GABRB3: variants seen among roughly 807,000 people sequenced by gnomAD.
GABRB3 encodes gamma-aminobutyric acid receptor subunit beta-3.
In GABRB3, 14 loss-of-function variants were observed where a neutral mutation model predicts 52.1. The observed-to-expected ratio is 0.27, with a 90% CI of 0.18 to 0.42. The LOEUF (loss-of-function observed/expected upper bound fraction) is 0.42, where lower values mean the gene tolerates loss of function less well. GABRB3 is among the 10% of genes least tolerant of loss of function. The probability of loss-of-function intolerance (pLI) is 1.00; values close to 1 mark genes in which losing one functional copy is unlikely to be tolerated. For missense variants in GABRB3, 307 were observed against 609.1 expected (o/e 0.50, Z 5.22); for synonymous variants, 260 against 232.3 (o/e 1.12, Z -1.08).
chr15:26,590,394 C>T (rs185156722), intron 4 of GABRB3: 165 of 152,292 alleles, frequency 1.1e-3, no homozygotes, highest in African/African-American at 3.8e-3. Flanking sequence ...CAAGGCATTG[C>T]TTCACAGGTA....
intron 3 of GABRB3, among the ~76,000 whole-genome samples, chr15:26,730,796 G>A (rs116886322): frequency 0.025 from 3,870 of 152,254 alleles, 95 homozygotes; most frequent in Middle Eastern, 0.054. Flanking sequence ...CATATCGCAC[G>A]AATTGCTCAA....
intron 3 of GABRB3, among the ~76,000 whole-genome samples, chr15:26,764,092 G>C (rs1370202365): frequency 8.2e-5 from 12 of 146,276 alleles, no homozygotes; most frequent in Non-Finnish European, 1.3e-4. Flanking sequence ...GGCGGTTGCA[G>C]TGAGCTGAGA....
chr15:26,746,129 T>G (rs919001157), intron 3 of GABRB3, among the ~76,000 whole-genome samples: 2 of 152,230 alleles, frequency 1.3e-5, no homozygotes, highest in Non-Finnish European at 2.9e-5. Context: ...AGTGTCACTT[T>G]TTTTTTATTA....
intron 8 of GABRB3, among the ~76,000 whole-genome samples, chr15:26,551,737 A>T (rs1889471902): frequency 6.6e-6 from 1 of 152,124 alleles, no homozygotes; most frequent in Admixed American, 6.5e-5. Flanking sequence ...TACAGGCAGC[A>T]TTGGTTTAGA....
upstream of GABRB3, chr15:26,773,530 C>G: frequency 1.4e-6 from 1 of 695,962 alleles, no homozygotes; most frequent in Non-Finnish European, 2.2e-6. Flanking sequence ...GCACGACGAC[C>G]ACCGCCCGCT....
At chr15:26,711,035 T>C (rs1278061423) in intron 3 of GABRB3, among the ~76,000 whole-genome samples, 4 of 152,158 alleles carry the variant, frequency 2.6e-5, no homozygotes, top group Non-Finnish European at 5.9e-5. Flanking sequence ...AAATACCTTA[T>C]AATTTTTTGG....
intron 3 of GABRB3, among the ~76,000 whole-genome samples, chr15:26,636,477 G>A (rs1893064962): frequency 6.6e-6 from 1 of 151,820 alleles, no homozygotes; most frequent in South Asian, 2.1e-4. Context: ...AATGCTAGAG[G>A]GCCCCAGGGC....
intron 3 of GABRB3, among the ~76,000 whole-genome samples, chr15:26,630,554 T>TGAAGAAATATTCGAGTAA (rs372711347): frequency 1.8e-4 from 28 of 152,338 alleles, no homozygotes; most frequent in African/African-American, 6.5e-4. Flanking sequence ...AGAATCAGCA[T>TGAAGAAATATTCGAGTAA]GAAGAAATAT....
At chr15:26,765,759 A>G (rs1481428039) in intron 3 of GABRB3, among the ~76,000 whole-genome samples, 1 of 152,204 alleles carries the variant, frequency 6.6e-6, no homozygotes, top group African/African-American at 2.4e-5. Flanking sequence ...TAACACTATA[A>G]TAAGTGTTGC....
chr15:26,740,552 G>A lies in GABRB3; in HGVS notation c.240+31850C>T, dbSNP rs560486480. On this transcript the variant is annotated intron_variant, in intron 3 of 8. Transcript: ENST00000311550. Reference sequence around the variant, plus strand: ...AGCACCTGGTCCACTCACTGGGTCTGTCTTCTCTCCTCCTCCTCTGGAGCA... The same window carrying A: ...AGCACCTGGTCCACTCACTGGGTCTATCTTCTCTCCTCCTCCTCTGGAGCA... 1.4e-3 allele frequency among the ~76,000 whole-genome samples: 212 copies of A among 152,184 alleles called. 1 individual carries two copies. The highest frequency in any genetic ancestry group is 1.4e-3 in the Non-Finnish European group (96 of 68,012).
intron 3 of GABRB3, among the ~76,000 whole-genome samples, chr15:26,707,626 A>C (rs1267327343): frequency 6.6e-6 from 1 of 152,214 alleles, no homozygotes; most frequent in Non-Finnish European, 1.5e-5. Flanking sequence ...GCATTGCCAC[A>C]CAGAGCAAGA....
intron 4 of GABRB3, among the ~76,000 whole-genome samples, chr15:26,592,720 C>T (rs1326329603): frequency 6.6e-6 from 1 of 152,102 alleles, no homozygotes; most frequent in Non-Finnish European, 1.5e-5. Context: ...TTTTAATGGG[C>T]ACATACGTTA....
chr15:26,697,111 T>G (rs548913018), intron 3 of GABRB3, among the ~76,000 whole-genome samples: 5 of 152,322 alleles, frequency 3.3e-5, no homozygotes, highest in African/African-American at 1.2e-4. Context: ...CTTGTGGCCT[T>G]GCAATTTCAG....
At chr15:26,690,105 G>T (rs1020523180) in intron 3 of GABRB3, among the ~76,000 whole-genome samples, 1 of 58,238 alleles carries the variant, frequency 1.7e-5, no homozygotes. Context: ...AAGGTACACG[G>T]ATTTTTTTTT....
intron 4 of GABRB3, among the ~76,000 whole-genome samples, chr15:26,600,026 C>CA (rs1198937300): frequency 6.6e-6 from 1 of 151,572 alleles, no homozygotes; most frequent in Non-Finnish European, 1.5e-5. Context: ...AAAACACTGA[C>CA]AAAGAAATAG....
In GABRB3 at chr15:26,649,926, A is replaced by C. The variant is rs558119222; in HGVS notation, c.241-28392T>G. Among the ~76,000 whole-genome samples, 3 of 152,284 alleles carry C rather than the reference A, an allele frequency of 2.0e-5. No individual in the cohort carries two copies. In the East Asian group the frequency reaches 5.8e-4, roughly 29 times the overall value. On this transcript the variant is annotated intron_variant, in intron 3 of 8. Transcript: ENST00000311550. The stretch of plus-strand genomic sequence containing the variant: ...AAAGGGGATATTTTATTAGTGAGAT[A>C]AAACAGTCCAATTCTACGTTTAGAG...
At chr15:26,755,091 A>G (rs924784420) in intron 3 of GABRB3, among the ~76,000 whole-genome samples, 5 of 149,086 alleles carry the variant, frequency 3.4e-5, no homozygotes, top group African/African-American at 1.2e-4. Context: ...GCAACCTCCA[A>G]CTCCTTGGTT....
intron 3 of GABRB3, among the ~76,000 whole-genome samples, chr15:26,690,590 G>T (rs1403886794): frequency 1.3e-5 from 2 of 151,928 alleles, no homozygotes; most frequent in Admixed American, 6.5e-5. Flanking sequence ...CATAGAGCTG[G>T]TGATGGGTAG....
intron 4 of GABRB3, among the ~76,000 whole-genome samples, chr15:26,596,668 A>T (rs372162723): frequency 2.0e-5 from 3 of 152,238 alleles, no homozygotes; most frequent in East Asian, 3.9e-4. Flanking sequence ...AAAGAGAGAA[A>T]TCTACTTGAT....
Sources: allele counts gnomAD v4.1 joint callset (sites outside exome capture counted in the v4.1 genomes callset), GRCh38; gene constraint gnomAD v4.1.1; transcripts MANE v1.5; gene names NCBI Gene and HGNC (gene_info 2026-07-23, HGNC 2026-07-21).